Variants in RASA2 observed in about 807,000 individuals in gnomAD.
RASA2 encodes the protein RAS p21 protein activator 2, also known as ras GTPase-activating protein 2.
In RASA2, 155 loss-of-function variants were observed where a neutral mutation model predicts 118.2. The ratio of observed to expected loss-of-function variants is 1.31; its 90% CI spans 1.15 to 1.50. The LOEUF (loss-of-function observed/expected upper bound fraction) is 1.50, where lower values mean the gene tolerates loss of function less well. RASA2 is among the 40% of genes most tolerant of loss of function. RASA2 has a pLI of 0.00. For synonymous variants in RASA2, 353 were observed against 349.1 expected (o/e 1.01, Z -0.12); for missense variants, 1,016 against 1,009.6 (o/e 1.01, Z -0.09).
intron 23 of RASA2, among the ~76,000 whole-genome samples, chr3:141,610,375 T>TA (rs572368205): frequency 0.011 from 1,294 of 114,098 alleles, 24 homozygotes; most frequent in East Asian, 0.056. Context: ...TATATTTATA[T>TA]TTATATATTA....
At chr3:141,541,441 A>AT (rs1224799895) in intron 5 of RASA2, among the ~76,000 whole-genome samples, 4 of 151,854 alleles carry the variant, frequency 2.6e-5, no homozygotes, top group Non-Finnish European at 4.4e-5. Flanking sequence ...TATTTCATTA[A>AT]TTTTTTCTGA....
chr3:141,597,235 T>C (rs568011818), intron 19 of RASA2, among the ~76,000 whole-genome samples: 30 of 152,192 alleles, frequency 2.0e-4, no homozygotes, highest in African/African-American at 7.0e-4. Context: ...ACCCTGTCTC[T>C]ACAAAAAATA....
chr3:141,600,746 G>C (rs746819332), intron 19 of RASA2, among the ~76,000 whole-genome samples: 7 of 152,058 alleles, frequency 4.6e-5, no homozygotes, highest in Non-Finnish European at 1.0e-4. Context: ...AATTCATCTC[G>C]ATTTTAACAC....
chr3:141,594,652 GTC>G (rs1165646550), intron 19 of RASA2, among the ~76,000 whole-genome samples: 2 of 152,202 alleles, frequency 1.3e-5, no homozygotes, highest in East Asian at 3.9e-4. Flanking sequence ...AGGAACAAAA[GTC>G]TCAACCTAAC....
intron 19 of RASA2, among the ~76,000 whole-genome samples, chr3:141,587,163 G>T (rs2083217508): frequency 6.6e-6 from 1 of 152,168 alleles, no homozygotes; most frequent in African/African-American, 2.4e-5. Flanking sequence ...AATTCCCACA[G>T]TTATACCATA....
intron 3 of RASA2, among the ~76,000 whole-genome samples, chr3:141,522,011 C>G (rs1282785022): frequency 6.6e-6 from 1 of 151,674 alleles, no homozygotes; most frequent in African/African-American, 2.4e-5. Context: ...GAAATTTGAG[C>G]TAGAATTTAG....
intron 5 of RASA2, among the ~76,000 whole-genome samples, chr3:141,546,528 A>G (rs2151107557): frequency 6.6e-6 from 1 of 152,210 alleles, no homozygotes; most frequent in East Asian, 1.9e-4. Context: ...CTCATTTTTA[A>G]ATCAGATTAT....
chr3:141,558,744 A>G, intron 7 of RASA2, 142 bp from the exon 8 acceptor site: 1 of 659,908 alleles, frequency 1.5e-6, no homozygotes, highest in South Asian at 2.0e-5. Flanking sequence ...TTGCTTTTAT[A>G]TTCAGCTATT....
At chr3:141,520,082 C>T (rs2082089583) in intron 3 of RASA2, among the ~76,000 whole-genome samples, 1 of 141,336 alleles carries the variant, frequency 7.1e-6, no homozygotes, top group Non-Finnish European at 1.5e-5. Context: ...GACATGATCT[C>T]CGTTCACTGC....
chr3:141,579,828 G>A (rs190672148), intron 15 of RASA2, among the ~76,000 whole-genome samples: 45 of 151,780 alleles, frequency 3.0e-4, no homozygotes, highest in African/African-American at 9.9e-4. Flanking sequence ...GGCCAAGGCA[G>A]GCAGATCACC....
intron 17 of RASA2, among the ~76,000 whole-genome samples, chr3:141,582,749 G>A (rs1264169670): frequency 2.6e-5 from 4 of 152,170 alleles, no homozygotes; most frequent in African/African-American, 9.7e-5. Flanking sequence ...AACAAGATAT[G>A]TGCAGTGCTA....
At chr3:141,544,785 C>T (rs1015825309) in intron 5 of RASA2, among the ~76,000 whole-genome samples, 17 of 152,242 alleles carry the variant, frequency 1.1e-4, no homozygotes, top group Non-Finnish European at 2.9e-5. Context: ...GCAGTACATA[C>T]ATGCCATGGA....
intron 21 of RASA2, among the ~76,000 whole-genome samples, chr3:141,609,101 T>A (rs1276984049): frequency 6.6e-6 from 1 of 152,006 alleles, no homozygotes. Flanking sequence ...GAAAGAAGGA[T>A]CCTTAGCATT....
chr3:141,505,625 C>G (rs1317910629), intron 1 of RASA2, among the ~76,000 whole-genome samples: 1 of 152,124 alleles, frequency 6.6e-6, no homozygotes, highest in Non-Finnish European at 1.5e-5. Context: ...TAGATAGCAC[C>G]TGATCATGGA....
At chr3:141,499,003 C>T (rs1414833354) in intron 1 of RASA2, among the ~76,000 whole-genome samples, 1 of 152,178 alleles carries the variant, frequency 6.6e-6, no homozygotes, top group African/African-American at 2.4e-5. Flanking sequence ...ACAGGAAGAT[C>T]CTGCCCGCAA....
At chr3:141,608,457 T>G (rs1242038758) in intron 20 of RASA2, 32 bp from the exon 21 acceptor site, 1 of 1,601,530 alleles carries the variant, frequency 6.2e-7, no homozygotes, top group Non-Finnish European at 8.6e-7. Flanking sequence ...TGGACTCTTG[T>G]CACTAACTTT....
At chr3:141,492,172 G>C (rs1332283657) in intron 1 of RASA2, among the ~76,000 whole-genome samples, 1 of 152,096 alleles carries the variant, frequency 6.6e-6, no homozygotes, top group African/African-American at 2.4e-5. Context: ...TTAAAACTTA[G>C]AACTCTTTGA....
At chr3:141,510,848 A>G (rs778648091) in intron 1 of RASA2, among the ~76,000 whole-genome samples, 2 of 152,238 alleles carry the variant, frequency 1.3e-5, no homozygotes, top group Admixed American at 6.5e-5. Flanking sequence ...AGACTGTGGT[A>G]TAGAAAGATA....
Position 141,570,846 on chromosome 3 carries a change from T to G in RASA2, c.864-66T>G, listed in dbSNP as rs1346679015. On this transcript the variant is annotated intron_variant, in intron 9 of 23. Coordinates refer to ENST00000286364, the MANE Select transcript of RASA2 (RefSeq NM_006506.5). Reference sequence around the variant, plus strand: ...TGGTTTAGTTTTTTTATAACTTAACTCTTAACTTGCCTCATTGGCTTGAAT... The same window carrying G: ...TGGTTTAGTTTTTTTATAACTTAACGCTTAACTTGCCTCATTGGCTTGAAT... The G allele has an allele frequency of 3.4e-6, 5 of 1,469,146 alleles. No individual in the cohort carries two copies. In the Admixed American group the frequency reaches 1.1e-4, roughly 34 times the overall value. 91.0% of individuals were successfully genotyped at this position (1,469,146 alleles called of 1,614,324 possible). A position where few individuals can be genotyped will look rare whatever the true frequency, so the allele number is the denominator to read the frequency against.
Sources: gnomAD v4.1 joint callset for allele counts (sites outside exome capture counted in the v4.1 genomes callset) on GRCh38, gnomAD v4.1.1 for gene constraint, MANE v1.5 for transcripts, NCBI Gene and HGNC (gene_info 2026-07-23, HGNC 2026-07-21) for gene names.